Variants in FBXL4 observed in about 807,000 individuals in gnomAD.
FBXL4 encodes F-box/LRR-repeat protein 4.
A neutral mutation model predicts 58.9 loss-of-function variants in FBXL4; 40 were observed. The observed-to-expected ratio is 0.68, with a 90% CI of 0.53 to 0.88. FBXL4 has a LOEUF of 0.88. Ranked by LOEUF, FBXL4 falls within the 40% of genes least tolerant of loss-of-function variation. The pLI, the probability that FBXL4 is intolerant of heterozygous loss-of-function variation, is 0.00. For synonymous variants in FBXL4, 263 were observed against 265.5 expected (o/e 0.99, Z 0.09); for missense variants, 676 against 734.4 (o/e 0.92, Z 0.92).
At position 98,870,030 on chromosome 6, in the gene FBXL4, G is replaced by T. The variant is rs889454449; in HGVS notation, c.*4248C>A. On this transcript the variant is annotated 3_prime_UTR_variant, in exon 10 of 10. Transcript: ENST00000369244. ...TAAGTCAGTTGTCAAAGCTAACAAT[G>T]CATCACCTGGCTTCAAAATTTAACA... 2 of 152,156 alleles carry T rather than the reference G, an allele frequency of 1.3e-5. No individual in the cohort carries two copies. Among genetic ancestry groups the T allele is most frequent in the Non-Finnish European group, 2.9e-5 (2 of 68,026 alleles). The allele number at this position is 152,156 out of a possible 1,614,324, so 9.4% of individuals were successfully genotyped here.
At position 98,945,657 on chromosome 6, in the gene FBXL4, A is replaced by G. The variant is rs557732461; in HGVS notation, c.-309+2149T>C. On this transcript the variant is annotated intron_variant, in intron 1 of 9. Coordinates refer to ENST00000369244, the MANE Select transcript of FBXL4 (RefSeq NM_001278716.2). ...TATCCAGTTGTGATGGTAAAATACA[A>G]ATGGATATGAGGATATCTTCCTCAT... is the stretch of plus-strand genomic sequence containing the variant. 2.0e-5 allele frequency among the ~76,000 whole-genome samples: 3 copies of G among 152,308 alleles called. No individual in the cohort carries two copies. In the East Asian group the frequency reaches 5.8e-4, roughly 29 times the overall value.
chr6:98,896,720 T>C (rs968965402), intron 7 of FBXL4: 8 of 852,728 alleles, frequency 9.4e-6, no homozygotes, highest in African/African-American at 1.8e-5. Flanking sequence ...AAAAATTTAA[T>C]AGGAAGTAAC....
chr6:98,887,014 C>A (rs899304749), intron 7 of FBXL4, among the ~76,000 whole-genome samples: 11 of 152,056 alleles, frequency 7.2e-5, no homozygotes, highest in African/African-American at 2.7e-4. Flanking sequence ...TCTGGGAGGC[C>A]AAGGAGGGAG....
At chr6:98,914,760 A>T (rs936749050) in intron 5 of FBXL4, among the ~76,000 whole-genome samples, 2 of 152,250 alleles carry the variant, frequency 1.3e-5, no homozygotes, top group Non-Finnish European at 1.5e-5. Context: ...AACTGGCACA[A>T]GACAGGAATG....
intron 9 of FBXL4, chr6:98,875,213 C>T: frequency 1.7e-6 from 1 of 588,708 alleles, no homozygotes; most frequent in Non-Finnish European, 3.0e-6. Context: ...TGTTATTGTC[C>T]TCACTATTTT....
chr6:98,910,634 G>C (rs1772005789), intron 5 of FBXL4, among the ~76,000 whole-genome samples: 1 of 151,466 alleles, frequency 6.6e-6, no homozygotes, highest in Admixed American at 6.6e-5. Context: ...TCCAGCCTGG[G>C]CAACAGAGCG....
chr6:98,875,626 T>C lies in FBXL4; in HGVS notation c.1491A>G (p.Ile497Met). ...WRCKNITENGIAELASGCPLL... is the reference protein window; with the variant it reads ...WRCKNITENGMAELASGCPLL... Reference sequence around the variant, plus strand: ...GTGGACACCCAGAAGCCAGTTCTGCTATTCCATTCTCAGTAATATTCTTAC... The same window carrying C: ...GTGGACACCCAGAAGCCAGTTCTGCCATTCCATTCTCAGTAATATTCTTAC... Residue 497 changes from isoleucine (I) to methionine (M), a missense_variant, in exon 9 of 10, where the codon ATA becomes ATG. Transcript: ENST00000369244. The C allele has an allele frequency of 6.2e-7, 1 of 1,614,166 alleles. No homozygotes were observed. The highest frequency in any genetic ancestry group is 8.5e-7 in the Non-Finnish European group (1 of 1,180,022).
At chr6:98,944,882 C>T (rs994919232) in intron 1 of FBXL4, among the ~76,000 whole-genome samples, 2 of 152,108 alleles carry the variant, frequency 1.3e-5, no homozygotes, top group Non-Finnish European at 1.5e-5. Context: ...AGGGTTCCAG[C>T]AAATCAGCAT....
At chr6:98,901,442 G>C (rs1771608988) in intron 6 of FBXL4, among the ~76,000 whole-genome samples, 1 of 152,100 alleles carries the variant, frequency 6.6e-6, no homozygotes, top group Admixed American at 6.6e-5. Context: ...TCACTATAAA[G>C]ACTCTGGCTT....
intron 5 of FBXL4, among the ~76,000 whole-genome samples, chr6:98,906,658 A>G (rs1214976028): frequency 1.3e-5 from 2 of 152,204 alleles, no homozygotes; most frequent in African/African-American, 4.8e-5. Flanking sequence ...TTATAGTAGA[A>G]TGATTTATAA....
At chr6:98,915,616 T>C (rs531574883) in intron 5 of FBXL4, among the ~76,000 whole-genome samples, 122 of 152,178 alleles carry the variant, frequency 8.0e-4, no homozygotes, top group Admixed American at 1.4e-3. Context: ...TGGCTAGCCA[T>C]ATGTAGAAAG....
chr6:98,908,651 A>C (rs1411036748), intron 5 of FBXL4, among the ~76,000 whole-genome samples: 1 of 152,168 alleles, frequency 6.6e-6, no homozygotes, highest in Non-Finnish European at 1.5e-5. Flanking sequence ...ATCCTAGACA[A>C]CATTGGTATC....
At chr6:98,919,116 A>T (rs1369119022) in intron 4 of FBXL4, among the ~76,000 whole-genome samples, 2 of 152,126 alleles carry the variant, frequency 1.3e-5, no homozygotes, top group Non-Finnish European at 2.9e-5. Context: ...ATCAACATAT[A>T]GGTACTCCTA....
chr6:98,873,372 A>T lies in FBXL4; in HGVS notation c.*906T>A, dbSNP rs1446827475. On this transcript the variant is annotated 3_prime_UTR_variant, in exon 10 of 10. Transcript: ENST00000369244. The stretch of plus-strand genomic sequence containing the variant: ...TGTATATATAATGTGTATATATAAT[A>T]TATATCTCCACATTTATGTTTTTTT... 2 of 148,958 alleles carry T rather than the reference A, an allele frequency of 1.3e-5. No individual in the cohort carries two copies. The highest frequency in any genetic ancestry group is 4.9e-5 in the African/African-American group (2 of 40,918). The allele number at this position is 148,958 out of a possible 1,614,324, so 9.2% of individuals were successfully genotyped here.
intron 8 of FBXL4, among the ~76,000 whole-genome samples, chr6:98,879,851 G>A (rs1451396430): frequency 1.4e-5 from 2 of 148,010 alleles, no homozygotes; most frequent in East Asian, 2.0e-4. Flanking sequence ...GTTGAGGCAG[G>A]AGAATTGCTT....
At chr6:98,886,711 G>A (rs1771052049) in intron 7 of FBXL4, among the ~76,000 whole-genome samples, 1 of 152,164 alleles carries the variant, frequency 6.6e-6, no homozygotes, top group Non-Finnish European at 1.5e-5. Flanking sequence ...TGCGGATACT[G>A]CAGGACCAGT....
At chr6:98,886,099 C>T (rs1175744318) in intron 7 of FBXL4, among the ~76,000 whole-genome samples, 2 of 152,148 alleles carry the variant, frequency 1.3e-5, no homozygotes, top group African/African-American at 4.8e-5. Flanking sequence ...CCAAAACTAC[C>T]CAGCTAAACC....
intron 4 of FBXL4, among the ~76,000 whole-genome samples, chr6:98,924,842 GC>G (rs1253523328): frequency 6.6e-6 from 1 of 152,180 alleles, no homozygotes; most frequent in African/African-American, 2.4e-5. Flanking sequence ...GCTGACCTCT[GC>G]CCGCCTCCTC....
chr6:98,938,252 G>A (rs1773297221), intron 1 of FBXL4, among the ~76,000 whole-genome samples: 1 of 152,018 alleles, frequency 6.6e-6, no homozygotes. Flanking sequence ...TCTCTGTTGA[G>A]GTTCTCATCC....
Sources: gnomAD v4.1 joint callset for allele counts (sites outside exome capture counted in the v4.1 genomes callset) on GRCh38, gnomAD v4.1.1 for gene constraint, MANE v1.5 for transcripts, NCBI Gene and HGNC (gene_info 2026-07-23, HGNC 2026-07-21) for gene names.